NUDCD3: variants seen among roughly 807,000 people sequenced by gnomAD.
The protein encoded by NUDCD3 is NudC domain containing 3.
Under a neutral mutation model 39.7 loss-of-function variants are expected in NUDCD3, and 13 were observed. That is an observed-to-expected ratio of 0.33 (90% CI 0.21 to 0.52). The LOEUF is 0.52. Among genes scored for constraint, NUDCD3 ranks in the 20% least tolerant of loss-of-function variants. The pLI is 0.96. For missense variants in NUDCD3, 453 were observed against 458.1 expected (o/e 0.99, Z 0.10); for synonymous variants, 175 against 172.4 (o/e 1.02, Z -0.12).
chr7:44,419,982 C>T (rs1799107679), intron 3 of NUDCD3, among the ~76,000 whole-genome samples: 1 of 152,112 alleles, frequency 6.6e-6, no homozygotes, highest in Non-Finnish European at 1.5e-5. Context: ...GGGCACAAAA[C>T]TGGACAGAGA....
At chr7:44,457,991 G>C (rs1799936233) in intron 2 of NUDCD3, among the ~76,000 whole-genome samples, 1 of 152,192 alleles carries the variant, frequency 6.6e-6, no homozygotes, top group Non-Finnish European at 1.5e-5. Context: ...ATATACCTAA[G>C]ACAAATGAAC....
chr7:44,418,734 C>T (rs1049706360), intron 3 of NUDCD3, among the ~76,000 whole-genome samples: 7 of 152,208 alleles, frequency 4.6e-5, no homozygotes, highest in African/African-American at 1.7e-4. Flanking sequence ...CCCTGTTCAT[C>T]TCATTGGGAC....
chr7:44,444,724 T>A (rs1799657380), intron 2 of NUDCD3, among the ~76,000 whole-genome samples: 1 of 152,164 alleles, frequency 6.6e-6, no homozygotes, highest in Non-Finnish European at 1.5e-5. Flanking sequence ...GCCGTAAGTA[T>A]CACTTGGTCT....
At chr7:44,409,920 A>T (rs554534961) in intron 3 of NUDCD3, among the ~76,000 whole-genome samples, 1 of 152,314 alleles carries the variant, frequency 6.6e-6, no homozygotes, top group South Asian at 2.1e-4. Context: ...AAAGGGGCTC[A>T]AAACCACTTT....
At chr7:44,405,867 G>C (rs1475784707) in intron 3 of NUDCD3, among the ~76,000 whole-genome samples, 1 of 152,214 alleles carries the variant, frequency 6.6e-6, no homozygotes, top group Non-Finnish European at 1.5e-5. Context: ...CGTGATCCCA[G>C]CTCACTGCTG....
intron 2 of NUDCD3, among the ~76,000 whole-genome samples, chr7:44,465,223 T>C (rs1308372982): frequency 1.3e-5 from 2 of 152,250 alleles, no homozygotes; most frequent in Non-Finnish European, 2.9e-5. Context: ...AAGAAACTTT[T>C]AGTGATTTTA....
At chr7:44,436,929 T>C (rs1347073468) in intron 2 of NUDCD3, among the ~76,000 whole-genome samples, 4 of 152,142 alleles carry the variant, frequency 2.6e-5, no homozygotes, top group African/African-American at 9.6e-5. Flanking sequence ...CCAATCTTTA[T>C]TCACATTAAC....
At chr7:44,461,121 T>A (rs928884203) in intron 2 of NUDCD3, among the ~76,000 whole-genome samples, 3 of 152,170 alleles carry the variant, frequency 2.0e-5, no homozygotes, top group Admixed American at 1.3e-4. Context: ...CTTTCTTCTA[T>A]CTCCTTGCCT....
chr7:44,413,590 T>C (rs1798969161), intron 3 of NUDCD3, among the ~76,000 whole-genome samples: 1 of 152,238 alleles, frequency 6.6e-6, no homozygotes, highest in Non-Finnish European at 1.5e-5. Context: ...TACAAATTCA[T>C]ACTACACATA....
At position 44,485,005 on chromosome 7, in the gene NUDCD3, C is replaced by G. The variant is rs757360285; in HGVS notation, c.472G>C (p.Ala158Pro). Residue 158 changes from alanine to proline, a missense_variant, in exon 2 of 6, where the codon GCT (alanine) becomes CCT (proline). By Grantham distance (27) the Ala-to-Pro change is conservative. Transcript: ENST00000355451. ...GGTGGTTCCCTAGGGACTTCAGCAGCACCAGCAACTGCTCCTGGAGCTTCT... is the reference window on the plus strand; with the variant it reads ...GGTGGTTCCCTAGGGACTTCAGCAGGACCAGCAACTGCTCCTGGAGCTTCT... ...EAEAPGAVAG[A>P]AEVPREPPIL... 2.1e-5 allele frequency: 34 copies of G among 1,613,788 alleles called. No homozygotes were observed. The Admixed American group carries it at 5.5e-4, about 26-fold the overall frequency.
intron 2 of NUDCD3, among the ~76,000 whole-genome samples, chr7:44,467,266 C>T (rs1049794735): frequency 1.3e-5 from 2 of 152,288 alleles, no homozygotes; most frequent in African/African-American, 2.4e-5. Context: ...CCACAGAGAT[C>T]GGTGTGAAAT....
At chr7:44,386,781 CTA>C (rs1270413051) in intron 5 of NUDCD3, among the ~76,000 whole-genome samples, 1 of 152,194 alleles carries the variant, frequency 6.6e-6, no homozygotes, top group Non-Finnish European at 1.5e-5. Flanking sequence ...CATTCTGGAA[CTA>C]TCTAGCCTCC....
At chr7:44,399,534 T>C (rs1020375837) in intron 4 of NUDCD3, among the ~76,000 whole-genome samples, 3 of 152,208 alleles carry the variant, frequency 2.0e-5, no homozygotes, top group Non-Finnish European at 4.4e-5. Flanking sequence ...GGCTCGCCAA[T>C]GAGGACAAGT....
chr7:44,479,518 T>C (rs1401546992), intron 2 of NUDCD3, among the ~76,000 whole-genome samples: 1 of 152,218 alleles, frequency 6.6e-6, no homozygotes, highest in African/African-American at 2.4e-5. Context: ...AAATACATTA[T>C]TTTTAATCTT....
At chr7:44,421,487 C>CAAA (rs35044732) in intron 3 of NUDCD3, among the ~76,000 whole-genome samples, 67 of 111,418 alleles carry the variant, frequency 6.0e-4, no homozygotes, top group African/African-American at 1.6e-3. Flanking sequence ...AAATGGAAAG[C>CAAA]AAAAAAAAAA....
At chr7:44,478,387 C>T (rs1346299047) in intron 2 of NUDCD3, among the ~76,000 whole-genome samples, 1 of 152,060 alleles carries the variant, frequency 6.6e-6, no homozygotes, top group Admixed American at 6.5e-5. Flanking sequence ...CCTGTCTCTA[C>T]TAAAAAAATA....
intron 2 of NUDCD3, among the ~76,000 whole-genome samples, chr7:44,451,478 G>A (rs746357942): frequency 1.5e-4 from 23 of 152,150 alleles, no homozygotes; most frequent in Non-Finnish European, 2.2e-4. Flanking sequence ...AAATGGTTAC[G>A]ATGGTAAATT....
Position 44,427,161 on chromosome 7 carries a change from C to A in NUDCD3, c.642+410G>T, listed in dbSNP as rs56141371. Among the ~76,000 whole-genome samples the A allele has an allele frequency of 6.2e-3, 950 of 152,282 alleles. 8 individuals are homozygous for A. The highest frequency in any genetic ancestry group is 9.9e-3 in the Non-Finnish European group (673 of 68,028). ...GGACTTTTCTTAGGGAAACTGAAGG[C>A]AGATTTAATCTTTAGGAAAAAAGAG... On this transcript the variant is annotated intron_variant, in intron 3 of 5. Transcript: ENST00000355451.
chr7:44,461,364 C>T (rs1407955565), intron 2 of NUDCD3, among the ~76,000 whole-genome samples: 3 of 152,220 alleles, frequency 2.0e-5, no homozygotes, highest in Admixed American at 6.5e-5. Flanking sequence ...GAGCCTGAAA[C>T]ATCATAGAAG....
Sources: gnomAD v4.1 joint callset for allele counts (sites outside exome capture counted in the v4.1 genomes callset) on GRCh38, gnomAD v4.1.1 for gene constraint, MANE v1.5 for transcripts, NCBI Gene and HGNC (gene_info 2026-07-23, HGNC 2026-07-21) for gene names.